Variants in RSPH4A observed in about 807,000 individuals in gnomAD.
The protein encoded by RSPH4A is radial spoke head protein 4 homolog A.
Under a neutral mutation model 71.0 loss-of-function variants are expected in RSPH4A, and 47 were observed. The observed-to-expected ratio is 0.66, with a 90% confidence interval of 0.52 to 0.84. The LOEUF (loss-of-function observed/expected upper bound fraction) is 0.84, where lower values mean the gene tolerates loss of function less well. Ranked by LOEUF, RSPH4A falls within the 40% of genes least tolerant of loss-of-function variation. RSPH4A has a pLI of 0.00. For synonymous variants in RSPH4A, 282 were observed against 302.3 expected, an observed-to-expected ratio of 0.93 and a Z score of 0.70; for missense variants, 793 against 855.2, an observed-to-expected ratio of 0.93 and a Z score of 0.91.
intron 2 of RSPH4A, 25 bp downstream of exon 2, chr6:116,623,027 T>C: frequency 7.4e-7 from 1 of 1,344,848 alleles, no homozygotes; most frequent in African/African-American, 1.4e-5. Flanking sequence ...CAAATTTTAA[T>C]AATAAACCTT....
intron 1 of RSPH4A, among the ~76,000 whole-genome samples, chr6:116,620,964 T>G (rs537439079): frequency 9.2e-5 from 14 of 152,306 alleles, no homozygotes; most frequent in Non-Finnish European, 1.8e-4. Context: ...GTTCAAGTGA[T>G]TCTCCTGACT....
rs777653223 is a variant in RSPH4A, at chr6:116,629,570, C to G, written c.1666C>G (p.Arg556Gly). 1 of 1,612,502 alleles carries G rather than the reference C, an allele frequency of 6.2e-7. No individual in the cohort carries two copies. Among genetic ancestry groups the G allele is most frequent in the African/African-American group, 1.3e-5 (1 of 74,830 alleles). The change falls in exon 4 of 6, where the codon CGC (arginine) becomes GGC (glycine). Residue 556 changes from arginine to glycine, a missense_variant. By Grantham distance (125) the Arg-to-Gly change is moderately radical. Transcript: ENST00000229554. ...ATCTTGCAACATTCATTCCCAGGGT[C>G]GCTGTAATTGGTTCAACTCCATACA... ...HHVQHILSQG[R>G]CNWFNSIQKN...
At chr6:116,627,049 TATTC>T (rs1183378185) in intron 2 of RSPH4A, among the ~76,000 whole-genome samples, 1 of 152,210 alleles carries the variant, frequency 6.6e-6, no homozygotes, top group Non-Finnish European at 1.5e-5. Context: ...GAATTTTTAT[TATTC>T]ATAGTAATTA....
chr6:116,628,896 T>A lies in RSPH4A; in HGVS notation c.1662+527T>A, dbSNP rs138072473. 7.9e-5 allele frequency among the ~76,000 whole-genome samples: 12 copies of A among 152,232 alleles called. No homozygotes were observed. In the East Asian group the frequency reaches 2.3e-3, roughly 29 times the overall value. ...GTGTGTTTGTGCGTGTGTACAAGAT[T>A]TAATCTTCACAGCAACCCCATGACA... On this transcript the variant is annotated intron_variant, in intron 3 of 5. Transcript: ENST00000229554.
Position 116,627,835 on chromosome 6 carries a change from G to A in RSPH4A, c.1128G>A (p.Gly376=), listed in dbSNP as rs1443260559. The A allele has an allele frequency of 6.2e-7, 1 of 1,613,948 alleles. No homozygotes were observed. The highest frequency in any genetic ancestry group is 1.3e-5 in the African/African-American group (1 of 74,908). ...YIVAEVEFRE[G]EDEEEVEEED... is the part of the protein sequence containing the mutation. ...TAGCTGAAGTGGAATTTCGTGAGGG[G>A]GAAGATGAAGAGGAAGTGGAAGAGG... Residue 376 remains glycine (G), a synonymous_variant, in exon 3 of 6, where the codon GGG becomes GGA. Transcript: ENST00000229554.
At position 116,628,000 on chromosome 6, in the gene RSPH4A, T is replaced by C; in HGVS notation, c.1293T>C (p.Tyr431=). 6.2e-7 allele frequency: 1 copy of C among 1,614,124 alleles called. No individual in the cohort carries two copies. ...GAACAGGTGCCAACAAATATGTCTATTTTGTTTGCAATGAACCAGGAAGAC... is the reference window on the plus strand; with the variant it reads ...GAACAGGTGCCAACAAATATGTCTACTTTGTTTGCAATGAACCAGGAAGAC... ...ESRTGANKYV[Y]FVCNEPGRPW... is the part of the protein sequence containing the mutation. Residue 431 remains tyrosine, a synonymous_variant, in exon 3 of 6, where the codon TAT becomes TAC. Transcript: ENST00000229554.
chr6:116,616,531 A>T lies in RSPH4A; in HGVS notation c.-93A>T. 2 of 1,133,256 alleles carry T rather than the reference A, an allele frequency of 1.8e-6. No homozygotes were observed. Among genetic ancestry groups the T allele is most frequent in the Non-Finnish European group, 2.6e-6 (2 of 768,554 alleles). 70.2% of individuals were successfully genotyped at this position (1,133,256 alleles called of 1,614,324 possible). A position where few individuals can be genotyped will look rare whatever the true frequency, so the allele number is the denominator to read the frequency against. On this transcript the variant is annotated 5_prime_UTR_variant, in exon 1 of 6. It removes the in-frame stop codon of an upstream open reading frame in the 5' UTR. Coordinates refer to ENST00000229554, the MANE Select transcript of RSPH4A (RefSeq NM_001010892.3). Reference sequence around the variant, plus strand: ...AGCAACCAGGACCCAGAAATCGCTTAAGAGACCGCGGCAAAGTAACTTAAC... The same window carrying T: ...AGCAACCAGGACCCAGAAATCGCTTTAGAGACCGCGGCAAAGTAACTTAAC...
rs10694358 is a variant in RSPH4A at position 116,630,847 on chromosome 6, A to ATTTTTTT, written c.1916+312_1916+318dup. Among the ~76,000 whole-genome samples the ATTTTTTT allele has an allele frequency of 9.1e-5, 8 of 87,600 alleles. No homozygotes were observed. The East Asian group carries it at 1.0e-3, about 11-fold the overall frequency. The allele number at this position is 87,600 out of a possible 152,430, so 57.5% of individuals were successfully genotyped here. A position where few individuals can be genotyped will look rare whatever the true frequency, so the allele number is the denominator to read the frequency against. On this transcript the variant is annotated intron_variant, in intron 5 of 5. Transcript: ENST00000229554. ...ACCACTATGCCCAGCTAATTTTTGT[A>ATTTTTTT]TTTTTTTTTTTTTTTTTTTTTTTAG... is the stretch of plus-strand genomic sequence containing the variant.
At chr6:116,624,639 T>C (rs571008750) in intron 2 of RSPH4A, among the ~76,000 whole-genome samples, 2 of 152,318 alleles carry the variant, frequency 1.3e-5, no homozygotes, top group East Asian at 1.9e-4. Context: ...CAGGAACAGA[T>C]AGAGAGACAG....
rs1775503160 is a variant in RSPH4A, at chr6:116,616,479, A to G, written c.-145A>G. 2 of 731,558 alleles carry G rather than the reference A, an allele frequency of 2.7e-6. No individual in the cohort carries two copies. The highest frequency in any genetic ancestry group is 2.3e-5 in the Admixed American group (1 of 42,600). The allele number at this position is 731,558 out of a possible 1,614,324, so 45.3% of individuals were successfully genotyped here. ...GAGAGGAACCCGGCCTGGGGTTGCTATGGAGATAGGACGCAGCAACTCACA... is the reference window on the plus strand; with the variant it reads ...GAGAGGAACCCGGCCTGGGGTTGCTGTGGAGATAGGACGCAGCAACTCACA... On this transcript the variant is annotated 5_prime_UTR_variant, in exon 1 of 6. The change abolishes an upstream ATG in the 5' untranslated region. Coordinates refer to ENST00000229554, the MANE Select transcript of RSPH4A (RefSeq NM_001010892.3).
intron 1 of RSPH4A, 66 bp from the exon 2 acceptor site, chr6:116,622,702 A>C: frequency 9.2e-7 from 1 of 1,084,874 alleles, no homozygotes; most frequent in Non-Finnish European, 1.4e-6. Flanking sequence ...CAGAAATGTC[A>C]AAGAAAAATG....
chr6:116,617,229 G>C lies in RSPH4A; in HGVS notation c.606G>C (p.Val202=), dbSNP rs772232278. ...AGCCGGCGCCTGGGGGCTCTGAAGTGGCCCCCAGCATGCTTGAGATCACCA... is the reference window on the plus strand; with the variant it reads ...AGCCGGCGCCTGGGGGCTCTGAAGTCGCCCCCAGCATGCTTGAGATCACCA... ...LQQPAPGGSE[V]APSMLEITIQ... Residue 202 remains valine (V), a synonymous_variant, in exon 1 of 6, where the codon GTG becomes GTC. Coordinates refer to ENST00000229554, the MANE Select transcript of RSPH4A (RefSeq NM_001010892.3). 1.2e-6 allele frequency: 2 copies of C among 1,613,954 alleles called. No individual in the cohort carries two copies. Among genetic ancestry groups the C allele is most frequent in the East Asian group, 4.5e-5 (2 of 44,862 alleles).
rs117262227 is a variant in RSPH4A at position 116,622,515 on chromosome 6, T to C, written c.687-253T>C. Among the ~76,000 whole-genome samples, 627 of 152,292 alleles carry C rather than the reference T, an allele frequency of 4.1e-3. 3 individuals carry two copies. The highest frequency in any genetic ancestry group is 6.8e-3 in the Middle Eastern group (2 of 294). On this transcript the variant is annotated intron_variant, in intron 1 of 5. Transcript: ENST00000229554. ...AAGTTATTTCTGGCATAGTAGAAAT[T>C]ATCTTAAGTGTTTATCCTCTGAAAA...
At chr6:116,620,657 G>A (rs1050340946) in intron 1 of RSPH4A, among the ~76,000 whole-genome samples, 1 of 151,916 alleles carries the variant, frequency 6.6e-6, no homozygotes, top group African/African-American at 2.4e-5. Context: ...TGACACAAAG[G>A]CATTTTCAGG....
chr6:116,632,386 C>T lies in RSPH4A; in HGVS notation c.2096C>T (p.Ala699Val), dbSNP rs1427661647. Residue 699 changes from alanine to valine, a missense_variant, in exon 6 of 6, where the codon GCA (alanine) becomes GTA (valine). Ala to Val is a moderately conservative substitution (Grantham distance 64). Transcript: ENST00000229554. ...GCTGCACAAGAAGCAGTTCTACTCG[C>T]AGCTGAGAATGAAGAATCTGAGGAA... Reference protein sequence around the residue: ...FRAAQEAVLLAAENEESEEDE... With the variant: ...FRAAQEAVLLVAENEESEEDE... The T allele has an allele frequency of 4.3e-6, 7 of 1,613,880 alleles. No individual in the cohort carries two copies. In the South Asian group the frequency reaches 6.6e-5, roughly 15 times the overall value.
At chr6:116,620,625 C>T (rs1476880541) in intron 1 of RSPH4A, among the ~76,000 whole-genome samples, 1 of 151,886 alleles carries the variant, frequency 6.6e-6, no homozygotes. Flanking sequence ...AAATTAAAAC[C>T]TAATACATAT....
intron 2 of RSPH4A, among the ~76,000 whole-genome samples, chr6:116,624,370 A>T (rs1024030326): frequency 7.2e-5 from 11 of 152,252 alleles, no homozygotes; most frequent in African/African-American, 2.7e-4. Flanking sequence ...ATTCTCATAC[A>T]GGAGTTAATC....
At chr6:116,627,135 GA>G (rs563966929) in intron 2 of RSPH4A, among the ~76,000 whole-genome samples, 87 of 152,268 alleles carry the variant, frequency 5.7e-4, no homozygotes, top group African/African-American at 2.1e-3. Context: ...TAAGATACAA[GA>G]GAAGCTACAT....
At chr6:116,628,573 C>A (rs1411517267) in intron 3 of RSPH4A, among the ~76,000 whole-genome samples, 1 of 151,924 alleles carries the variant, frequency 6.6e-6, no homozygotes, top group Non-Finnish European at 1.5e-5. Flanking sequence ...ACTGAAGGTC[C>A]CAGGGATCTC....
Sources: allele counts gnomAD v4.1 joint callset (sites outside exome capture counted in the v4.1 genomes callset), GRCh38; gene constraint gnomAD v4.1.1; transcripts MANE v1.5; gene names NCBI Gene and HGNC (gene_info 2026-07-23, HGNC 2026-07-21).